STAB2: variants seen among roughly 807,000 people sequenced by gnomAD.
The protein encoded by STAB2 is stabilin-2.
STAB2 carries 288 observed loss-of-function variants against 338.1 expected under a neutral mutation model. The observed-to-expected ratio is 0.85, with a 90% CI of 0.77 to 0.94. The LOEUF (loss-of-function observed/expected upper bound fraction) is 0.94. STAB2 is among the 40% of genes least tolerant of loss of function. The probability of loss-of-function intolerance (pLI) is 0.00; values close to 1 mark genes in which losing one functional copy is unlikely to be tolerated. For missense variants in STAB2, 3,141 were observed against 3,210.1 expected (o/e 0.98, Z 0.52); for synonymous variants, 1,202 against 1,193.3 (o/e 1.01, Z -0.15).
At chr12:103,755,745 C>T (rs771646365) in intron 63 of STAB2, 27 bp downstream of exon 63, 19 of 1,610,828 alleles carry the variant, frequency 1.2e-5, no homozygotes, top group Non-Finnish European at 1.5e-5. Context: ...CTTGGTTTGC[C>T]TCAGGCAGGG....
intron 21 of STAB2, among the ~76,000 whole-genome samples, chr12:103,670,334 A>C (rs970114979): frequency 6.6e-6 from 1 of 152,198 alleles, no homozygotes; most frequent in Admixed American, 6.5e-5. Flanking sequence ...TGAAGAGAGA[A>C]AACACTGCAG....
At chr12:103,729,730 C>T (rs1296238693) in intron 48 of STAB2, among the ~76,000 whole-genome samples, 1 of 152,140 alleles carries the variant, frequency 6.6e-6, no homozygotes, top group South Asian at 2.1e-4. Flanking sequence ...AGCCACTTGA[C>T]CAGACTGGTC....
chr12:103,708,002 G>A (rs971131925), intron 38 of STAB2, among the ~76,000 whole-genome samples: 1 of 152,192 alleles, frequency 6.6e-6, no homozygotes, highest in Admixed American at 6.5e-5. Context: ...CAAGTTCTCA[G>A]AGACTCATCT....
intron 3 of STAB2, among the ~76,000 whole-genome samples, chr12:103,594,841 T>C (rs553629023): frequency 1.3e-5 from 2 of 152,316 alleles, no homozygotes; most frequent in South Asian, 4.1e-4. Flanking sequence ...ACAATTTTCT[T>C]TAAGAAGAAA....
chr12:103,763,798 T>C (rs558767893), intron 68 of STAB2, 190 bp downstream of exon 68: 76 of 532,812 alleles, frequency 1.4e-4, no homozygotes, highest in African/African-American at 1.3e-3. Context: ...TCCTGGGTTC[T>C]CTTGGGTAGA....
At chr12:103,677,652 C>A in intron 25 of STAB2, 41 bp downstream of exon 25, 1 of 1,585,060 alleles carries the variant, frequency 6.3e-7, no homozygotes, top group Non-Finnish European at 8.6e-7. Context: ...AGCAGGAATC[C>A]TGCAGTGACT....
chr12:103,599,757 C>A (rs1051011018), intron 3 of STAB2, among the ~76,000 whole-genome samples: 4 of 152,222 alleles, frequency 2.6e-5, no homozygotes, highest in African/African-American at 9.7e-5. Flanking sequence ...AAAGACTGCA[C>A]TGAGGTGAGC....
chr12:103,684,578 C>G (rs1227373151), intron 26 of STAB2, among the ~76,000 whole-genome samples: 1 of 152,120 alleles, frequency 6.6e-6, no homozygotes, highest in Non-Finnish European at 1.5e-5. Context: ...CTTGGAAGAA[C>G]CAACATATGA....
At chr12:103,616,356 G>A (rs932882319) in intron 3 of STAB2, among the ~76,000 whole-genome samples, 4 of 152,196 alleles carry the variant, frequency 2.6e-5, no homozygotes, top group Admixed American at 6.5e-5. Context: ...CAGGGAAAGG[G>A]TCTTTGAAGG....
intron 25 of STAB2, among the ~76,000 whole-genome samples, chr12:103,679,931 A>G (rs1166182240): frequency 6.6e-6 from 1 of 152,244 alleles, no homozygotes; most frequent in Non-Finnish European, 1.5e-5. Flanking sequence ...TATACAATGG[A>G]ATAGCAATCA....
chr12:103,749,645 C>T (rs914344117), intron 59 of STAB2, among the ~76,000 whole-genome samples: 8 of 148,668 alleles, frequency 5.4e-5, no homozygotes, highest in South Asian at 4.3e-4. Context: ...CTGGCTAACA[C>T]GGTGAAACCC....
chr12:103,645,801 G>A (rs1256875158), intron 9 of STAB2, among the ~76,000 whole-genome samples: 3 of 152,138 alleles, frequency 2.0e-5, no homozygotes, highest in African/African-American at 7.2e-5. Context: ...TTTGTTGTGA[G>A]GGGCTGGGCT....
At chr12:103,729,165 A>G (rs1881442512) in intron 48 of STAB2, among the ~76,000 whole-genome samples, 170 bp downstream of exon 48, 1 of 152,206 alleles carries the variant, frequency 6.6e-6, no homozygotes, top group African/African-American at 2.4e-5. Context: ...TCACGGACAC[A>G]TAGAGGGGAA....
chr12:103,709,721 G>A (rs1185220228), intron 39 of STAB2, among the ~76,000 whole-genome samples: 1 of 152,192 alleles, frequency 6.6e-6, no homozygotes, highest in Non-Finnish European at 1.5e-5. Flanking sequence ...AAGTCTGAAT[G>A]GTCCCAAGCC....
chr12:103,755,429 A>G lies in STAB2; in HGVS notation c.6842A>G (p.Lys2281Arg), dbSNP rs1430254827. The change falls in exon 62 of 69, where the codon AAG becomes AGG. Residue 2281 changes from lysine to arginine, a missense_variant. Transcript: ENST00000388887. ...GTGGACTATGGACCTAGACCCAACA[A>G]GAGTGAAATGTGGGATGTCTTCTGC... ...GIVDYGPRPN[K>R]SEMWDVFCYR... The G allele has an allele frequency of 6.2e-7, 1 of 1,614,050 alleles. No individual in the cohort carries two copies. The highest frequency in any genetic ancestry group is 1.3e-5 in the African/African-American group (1 of 74,920).
At chr12:103,676,837 T>C (rs1316801044) in intron 24 of STAB2, among the ~76,000 whole-genome samples, 1 of 152,210 alleles carries the variant, frequency 6.6e-6, no homozygotes, top group Non-Finnish European at 1.5e-5. Context: ...ATCATGTTTT[T>C]CAGGTTTAAG....
In STAB2 at chr12:103,666,393, C is replaced by A. The variant is rs765651179; in HGVS notation, c.2085+40C>A. 11 of 1,605,772 alleles carry A rather than the reference C, an allele frequency of 6.9e-6. No individual in the cohort carries two copies. The South Asian group carries it at 8.8e-5, about 13-fold the overall frequency. ...TTCATGAAAGCACAGATCACCCAAG[C>A]AGCCCCACTGGTGTGGTTTCTCAAC... On this transcript the variant is annotated intron_variant, in intron 19 of 68. Transcript: ENST00000388887.
At chr12:103,718,367 C>A (rs539210612) in intron 44 of STAB2, among the ~76,000 whole-genome samples, 1 of 152,292 alleles carries the variant, frequency 6.6e-6, no homozygotes, top group Non-Finnish European at 1.5e-5. Flanking sequence ...GCCCCTACCA[C>A]CCCCATTCTA....
intron 21 of STAB2, 129 bp downstream of exon 21, chr12:103,669,756 A>C (rs1373436647): frequency 1.3e-6 from 1 of 751,408 alleles, no homozygotes; most frequent in Non-Finnish European, 2.2e-6. Context: ...TACTAAAAGA[A>C]CAGCAGGTGT....
Sources: gnomAD v4.1 joint callset for allele counts (sites outside exome capture counted in the v4.1 genomes callset) on GRCh38, gnomAD v4.1.1 for gene constraint, MANE v1.5 for transcripts, NCBI Gene and HGNC (gene_info 2026-07-23, HGNC 2026-07-21) for gene names.